The following GCNT1 variants were observed in gnomAD, a reference collection of about 807,000 sequenced individuals.
GCNT1 encodes glucosaminyl (N-acetyl) transferase 1.
In GCNT1, 16 loss-of-function variants were observed where a neutral mutation model predicts 26.2. The ratio of observed to expected loss-of-function variants is 0.61; its 90% CI spans 0.41 to 0.93. The LOEUF is 0.93. Among genes scored for constraint, GCNT1 ranks in the 40% least tolerant of loss-of-function variants. GCNT1 has a pLI of 0.00. For missense variants in GCNT1, 477 were observed against 526.7 expected, an observed-to-expected ratio of 0.91 and a Z score of 0.92; for synonymous variants, 183 against 190.8, an observed-to-expected ratio of 0.96 and a Z score of 0.34.
At chr9:76,410,640 A>T in the GCNT1 span, among the ~76,000 whole-genome samples, 1 of 152,176 alleles carries the variant, frequency 6.6e-6, no homozygotes, top group South Asian at 2.1e-4. Context: ...AACATTTTTT[A>T]AGGTGTGTTT....
At chr9:76,498,191 G>A (rs1244862637) in intron 2 of GCNT1, among the ~76,000 whole-genome samples, 3 of 152,056 alleles carry the variant, frequency 2.0e-5, no homozygotes, top group African/African-American at 7.2e-5. Context: ...CCATTTTATG[G>A]ATATACCATA....
Position 76,505,193 on chromosome 9 carries a change from A to C in GCNT1, c.*1525A>C, listed in dbSNP as rs1023661792. ...TAGCCAAATTAAATAGTACATGAGA[A>C]ATTCAGAGTATTAGACAGTTTTAAG... On this transcript the variant is annotated 3_prime_UTR_variant, in exon 4 of 4. Coordinates refer to ENST00000376730, the MANE Select transcript of GCNT1 (RefSeq NM_001490.5). 10 of 374,440 alleles carry C rather than the reference A, an allele frequency of 2.7e-5. No individual in the cohort carries two copies. Among genetic ancestry groups the C allele is most frequent in the Middle Eastern group, 7.2e-4 (1 of 1,392 alleles). 23.2% of individuals were successfully genotyped at this position (374,440 alleles called of 1,614,324 possible). A position where few individuals can be genotyped will look rare whatever the true frequency, so the allele number is the denominator to read the frequency against.
intron 1 of GCNT1, among the ~76,000 whole-genome samples, chr9:76,451,483 T>G (rs1045672234): frequency 4.6e-5 from 7 of 152,086 alleles, no homozygotes; most frequent in Non-Finnish European, 8.8e-5. Context: ...CTGGTTGGTG[T>G]TGTTCCCACA....
chr9:76,429,158 A>T lies in GCNT1; in HGVS notation n.38+9271A>T, dbSNP rs187940849. On this transcript the variant is annotated intron_variant and non_coding_transcript_variant, in intron 1 of 3. Transcript: ENST00000488136. ...CAATATTTCTTCTAATTGTGACATA[A>T]TGTTCCATTATATGAGTACACTATA... 2.8e-4 allele frequency among the ~76,000 whole-genome samples: 42 copies of T among 152,246 alleles called. 1 individual carries two copies. In the South Asian group the frequency reaches 4.8e-3, roughly 17 times the overall value.
the GCNT1 span, among the ~76,000 whole-genome samples, chr9:76,407,528 A>G: frequency 4.6e-5 from 7 of 152,190 alleles, no homozygotes; most frequent in African/African-American, 1.7e-4. Flanking sequence ...CTGTAGCTTT[A>G]TAGTAAATCG....
chr9:76,394,276 G>A, the GCNT1 span: 3 of 1,164,026 alleles, frequency 2.6e-6, no homozygotes, highest in Non-Finnish European at 3.5e-6. Flanking sequence ...ACAGGAGCGT[G>A]AGCTCTGCCT....
intron 2 of GCNT1, among the ~76,000 whole-genome samples, chr9:76,465,831 T>A (rs1239092384): frequency 6.6e-6 from 1 of 151,722 alleles, no homozygotes; most frequent in Non-Finnish European, 1.5e-5. Context: ...GAGAGGGAGG[T>A]AGCAAGGATG....
intron 1 of GCNT1, among the ~76,000 whole-genome samples, chr9:76,428,699 A>ATT (rs5898475): frequency 0.3 from 38,889 of 129,970 alleles, 6,707 homozygotes; most frequent in Non-Finnish European, 0.39. Context: ...TGCGTATTCT[A>ATT]TTTTTTTTTT....
chr9:76,499,779 T>C (rs896550307), intron 2 of GCNT1, among the ~76,000 whole-genome samples: 1 of 152,194 alleles, frequency 6.6e-6, no homozygotes, highest in Non-Finnish European at 1.5e-5. Flanking sequence ...ATATCTTACA[T>C]TAGTGTGGTA....
exon 1 of GCNT1, chr9:76,441,937 G>A (rs1823489802): frequency 6.6e-6 from 1 of 152,152 alleles, no homozygotes; most frequent in African/African-American, 2.4e-5. Flanking sequence ...ATATGGTTTT[G>A]GATTTAAAAA....
upstream of GCNT1, among the ~76,000 whole-genome samples, chr9:76,438,684 A>C (rs1431331916): frequency 6.6e-6 from 1 of 152,138 alleles, no homozygotes; most frequent in East Asian, 1.9e-4. Flanking sequence ...CTGAAATAAG[A>C]AAGTCAGGTA....
the GCNT1 span, among the ~76,000 whole-genome samples, chr9:76,412,180 C>T: frequency 6.6e-6 from 1 of 152,084 alleles, no homozygotes; most frequent in African/African-American, 2.4e-5. Flanking sequence ...TTGTGTAGTG[C>T]ATTTCACTTA....
At chr9:76,492,101 C>T (rs192951555) in intron 2 of GCNT1, among the ~76,000 whole-genome samples, 8 of 152,246 alleles carry the variant, frequency 5.3e-5, no homozygotes, top group Middle Eastern at 3.4e-3. Flanking sequence ...TGAGTAAGGA[C>T]GCTAAGAGCT....
chr9:76,416,738 GC>G (rs1823136571), upstream of GCNT1, among the ~76,000 whole-genome samples: 1 of 152,200 alleles, frequency 6.6e-6, no homozygotes, highest in Non-Finnish European at 1.5e-5. Flanking sequence ...AGATGAAAAA[GC>G]TTTTTTGTGA....
In GCNT1 at chr9:76,433,079, C is replaced by T. The variant is rs149314436; in HGVS notation, n.38+13192C>T. Reference sequence around the variant, plus strand: ...TCTCTACTGAGAGCTGTTTCATTAGCTGTTTCATCACTCAATAAAACTCTT... The same window carrying T: ...TCTCTACTGAGAGCTGTTTCATTAGTTGTTTCATCACTCAATAAAACTCTT... On this transcript the variant is annotated intron_variant and non_coding_transcript_variant, in intron 1 of 3. Coordinates refer to the GCNT1 transcript ENST00000488136. Among the ~76,000 whole-genome samples, 548 of 152,286 alleles carry T rather than the reference C, an allele frequency of 3.6e-3. 21 individuals are homozygous for T. In the East Asian group the frequency reaches 0.076, roughly 21 times the overall value.
In GCNT1 at chr9:76,498,787, A is replaced by AAG. The variant is rs1554739089; in HGVS notation, c.-289-2128_-289-2127insGA. Among the ~76,000 whole-genome samples the AAG allele has an allele frequency of 7.9e-4, 74 of 93,896 alleles. No homozygotes were observed. The South Asian group carries it at 9.7e-3, about 12-fold the overall frequency. The allele number at this position is 93,896 out of a possible 152,430, so 61.6% of individuals were successfully genotyped here. A position where few individuals can be genotyped will look rare whatever the true frequency, so the allele number is the denominator to read the frequency against. On this transcript the variant is annotated intron_variant, in intron 2 of 3. Coordinates refer to ENST00000376730, the MANE Select transcript of GCNT1 (RefSeq NM_001490.5). ...AAATTCCAGCTCAAAAAAAAAAAAA[A>AAG]AAAGAAAAAAAGTGTATACACACAC...
At chr9:76,443,922 AAAGG>A (rs1215659574) in intron 1 of GCNT1, among the ~76,000 whole-genome samples, 1 of 73,640 alleles carries the variant, frequency 1.4e-5, no homozygotes, top group African/African-American at 5.1e-5. Flanking sequence ...AGAAAGGAAG[AAAGG>A]AAGAAAGGAA....
At chr9:76,425,356 G>A (rs1385641592) in intron 1 of GCNT1, among the ~76,000 whole-genome samples, 2 of 151,612 alleles carry the variant, frequency 1.3e-5, no homozygotes, top group African/African-American at 4.8e-5. Context: ...CTGAGTAGCT[G>A]GGATTAAAGG....
At position 76,471,557 on chromosome 9, in the gene GCNT1, G is replaced by A. The variant is rs141181180; in HGVS notation, c.-290+11380G>A. Among the ~76,000 whole-genome samples, 32 of 152,270 alleles carry A rather than the reference G, an allele frequency of 2.1e-4. No individual in the cohort carries two copies. In the East Asian group the frequency reaches 4.6e-3, roughly 22 times the overall value. The stretch of plus-strand genomic sequence containing the variant: ...AAATAGACAGCCCACCAATTTTGTT[G>A]TTGATTACTTGTGGCAGAAAACTTA... On this transcript the variant is annotated intron_variant, in intron 2 of 3. Transcript: ENST00000376730.
Sources: gnomAD v4.1 joint callset for allele counts (sites outside exome capture counted in the v4.1 genomes callset) on GRCh38, gnomAD v4.1.1 for gene constraint, MANE v1.5 for transcripts, NCBI Gene and HGNC (gene_info 2026-07-23, HGNC 2026-07-21) for gene names.